TSNAX: variants seen among roughly 807,000 people sequenced by gnomAD.
The protein encoded by TSNAX is translin-associated protein X.
A neutral mutation model predicts 33.0 loss-of-function variants in TSNAX; 12 were observed. That is an observed-to-expected ratio of 0.36 (90% CI 0.23 to 0.59). The LOEUF (loss-of-function observed/expected upper bound fraction) is 0.59. Ranked by LOEUF, TSNAX falls within the 20% of genes least tolerant of loss-of-function variation. TSNAX has a pLI of 0.74. For missense variants in TSNAX, 267 were observed against 341.3 expected (o/e 0.78, Z 1.72); for synonymous variants, 110 against 117.2 (o/e 0.94, Z 0.40).
chr1:231,537,330 G>A lies in TSNAX; in HGVS notation c.236+3G>A, dbSNP rs751161290. 3.8e-6 allele frequency: 6 copies of A among 1,569,786 alleles called. No individual in the cohort carries two copies. Among genetic ancestry groups the A allele is most frequent in the South Asian group, 3.4e-5 (3 of 89,108 alleles). Reference sequence around the variant, plus strand: ...TTTCTCCTCCATAGGATTACAAGGTGAGTAAGCATCTTTAGAATTTATTAC... The same window carrying A: ...TTTCTCCTCCATAGGATTACAAGGTAAGTAAGCATCTTTAGAATTTATTAC... On this transcript the variant is annotated splice_donor_region_variant and intron_variant, in intron 3 of 5. Coordinates refer to ENST00000366639, the MANE Select transcript of TSNAX (RefSeq NM_005999.3).
intron 2 of TSNAX, among the ~76,000 whole-genome samples, chr1:231,531,852 C>G (rs898741531): frequency 1.3e-5 from 2 of 151,986 alleles, no homozygotes; most frequent in Admixed American, 1.3e-4. Flanking sequence ...TTGATAAATT[C>G]AGGAAGTTTA....
chr1:231,555,043 T>G (rs1362506060), intron 4 of TSNAX, among the ~76,000 whole-genome samples: 2 of 152,204 alleles, frequency 1.3e-5, no homozygotes, highest in Non-Finnish European at 2.9e-5. Flanking sequence ...TTAAAAAGTT[T>G]GTTGAGGGCT....
chr1:231,558,160 T>C (rs1014916558), intron 4 of TSNAX, among the ~76,000 whole-genome samples: 1 of 152,096 alleles, frequency 6.6e-6, no homozygotes, highest in Admixed American at 6.5e-5. Context: ...ATGGACTCTC[T>C]GGGAAGCTGT....
At chr1:231,537,457 T>C (rs2124890832) in intron 3 of TSNAX, 130 bp downstream of exon 3, 1 of 587,178 alleles carries the variant, frequency 1.7e-6, no homozygotes, top group Non-Finnish European at 2.8e-6. Context: ...AAAATAGGTC[T>C]CAGCTGGGTG....
rs866148573 is a variant in TSNAX, at chr1:231,532,187, G to C, written c.121+2828G>C. Among the ~76,000 whole-genome samples, 281 of 31,490 alleles carry C rather than the reference G, an allele frequency of 8.9e-3. 2 individuals carry two copies. The highest frequency in any genetic ancestry group is 0.06 in the East Asian group (23 of 384). The allele number at this position is 31,490 out of a possible 152,430, so 20.7% of individuals were successfully genotyped here. ...ACACACACACACACACACACACACA[G>C]TTTTGGTTTTTTTTTTTTTTTGGAG... On this transcript the variant is annotated intron_variant, in intron 2 of 5. Coordinates refer to ENST00000366639, the MANE Select transcript of TSNAX (RefSeq NM_005999.3).
chr1:231,560,996 G>C, intron 4 of TSNAX, 132 bp from the exon 5 acceptor site: 1 of 832,896 alleles, frequency 1.2e-6, no homozygotes, highest in Non-Finnish European at 1.9e-6. Context: ...GTCTAGTCTA[G>C]TACTGGCATT....
chr1:231,553,552 A>G (rs930385881), intron 4 of TSNAX, among the ~76,000 whole-genome samples: 3 of 152,196 alleles, frequency 2.0e-5, no homozygotes, highest in African/African-American at 7.2e-5. Flanking sequence ...TGTCCTTTTT[A>G]TCAGGTTGAA....
chr1:231,540,424 T>C (rs551688431), intron 3 of TSNAX, among the ~76,000 whole-genome samples: 1 of 152,340 alleles, frequency 6.6e-6, no homozygotes, highest in East Asian at 1.9e-4. Flanking sequence ...AATTTAAGTA[T>C]GTTATTTTGT....
At position 231,565,023 on chromosome 1, in the gene TSNAX, G is replaced by A; in HGVS notation, c.*118G>A. ...CTTTTACATAGAAACATATTCAGTT[G>A]TACTTGTTTTAAATTGTATACAAGC... On this transcript the variant is annotated 3_prime_UTR_variant, in exon 6 of 6. Coordinates refer to ENST00000366639, the MANE Select transcript of TSNAX (RefSeq NM_005999.3). 1 of 1,247,120 alleles carries A rather than the reference G, an allele frequency of 8.0e-7. No individual in the cohort carries two copies. The highest frequency in any genetic ancestry group is 2.9e-4 in the Middle Eastern group (1 of 3,494). 77.3% of individuals were successfully genotyped at this position (1,247,120 alleles called of 1,614,324 possible). A position where few individuals can be genotyped will look rare whatever the true frequency, so the allele number is the denominator to read the frequency against.
chr1:231,537,920 T>C (rs758478580), intron 3 of TSNAX, among the ~76,000 whole-genome samples: 1 of 152,152 alleles, frequency 6.6e-6, no homozygotes, highest in African/African-American at 2.4e-5. Context: ...TTGGATGATA[T>C]GCGTGAAAAT....
chr1:231,531,700 G>GT (rs1278950325), intron 2 of TSNAX, among the ~76,000 whole-genome samples: 4 of 152,090 alleles, frequency 2.6e-5, no homozygotes, highest in Non-Finnish European at 4.4e-5. Flanking sequence ...TTAAGTTCTT[G>GT]TTTTTTCAGT....
chr1:231,546,958 T>G (rs1659956641), intron 4 of TSNAX, among the ~76,000 whole-genome samples: 1 of 152,168 alleles, frequency 6.6e-6, no homozygotes, highest in African/African-American at 2.4e-5. Context: ...TTTTGTTGGC[T>G]AGTCACATGG....
intron 4 of TSNAX, among the ~76,000 whole-genome samples, chr1:231,556,068 A>G (rs1404817282): frequency 2.6e-5 from 4 of 152,250 alleles, no homozygotes; most frequent in Admixed American, 2.6e-4. Context: ...TTATTGAACA[A>G]AGATGACAAT....
At chr1:231,552,387 T>C (rs1572134423) in intron 4 of TSNAX, among the ~76,000 whole-genome samples, 1 of 152,222 alleles carries the variant, frequency 6.6e-6, no homozygotes, top group East Asian at 1.9e-4. Context: ...GCACACATAC[T>C]TTACAAAGCT....
intron 5 of TSNAX, chr1:231,563,337 T>C (rs944955270): frequency 6.6e-5 from 10 of 152,568 alleles, no homozygotes; most frequent in Admixed American, 3.9e-4. Context: ...CATGATGATA[T>C]CATGATAGCA....
At chr1:231,561,457 A>G (rs1661109100) in intron 5 of TSNAX, among the ~76,000 whole-genome samples, 1 of 152,206 alleles carries the variant, frequency 6.6e-6, no homozygotes, top group Admixed American at 6.5e-5. Context: ...GCATATTGGG[A>G]AAGTAATGCT....
At chr1:231,560,081 G>T (rs1286681056) in intron 4 of TSNAX, among the ~76,000 whole-genome samples, 1 of 151,172 alleles carries the variant, frequency 6.6e-6, no homozygotes, top group Non-Finnish European at 1.5e-5. Flanking sequence ...CCGGGTTCAC[G>T]CCATTCTCCT....
chr1:231,556,767 A>G (rs114561472), intron 4 of TSNAX, among the ~76,000 whole-genome samples: 2,894 of 152,268 alleles, frequency 0.019, 95 homozygotes, highest in African/African-American at 0.066. Context: ...AAGCAGTGCT[A>G]TTTTTTGCTC....
At chr1:231,564,486 TG>T in intron 5 of TSNAX, 41 bp from the exon 6 acceptor site, 1 of 1,576,810 alleles carries the variant, frequency 6.3e-7, no homozygotes, top group South Asian at 1.2e-5. Context: ...CTTTCTTGTG[TG>T]TGTGTGTGTG....
Sources: gnomAD v4.1 joint callset for allele counts (sites outside exome capture counted in the v4.1 genomes callset) on GRCh38, gnomAD v4.1.1 for gene constraint, MANE v1.5 for transcripts, NCBI Gene and HGNC (gene_info 2026-07-23, HGNC 2026-07-21) for gene names.